Variants in THSD7B observed in about 807,000 individuals in gnomAD.
The protein encoded by THSD7B is thrombospondin type-1 domain-containing protein 7B.
A neutral mutation model predicts 213.6 loss-of-function variants in THSD7B; 138 were observed. That is an observed-to-expected ratio of 0.65 (90% confidence interval 0.56 to 0.74). The LOEUF is 0.74. Among genes scored for constraint, THSD7B ranks in the 30% least tolerant of loss-of-function variants. The pLI, the probability that THSD7B is intolerant of heterozygous loss-of-function variation, is 0.00. For missense variants in THSD7B, 1,931 were observed against 1,991.5 expected, an observed-to-expected ratio of 0.97 and a Z score of 0.58; for synonymous variants, 742 against 687.0, an observed-to-expected ratio of 1.08 and a Z score of -1.25.
intron 2 of THSD7B, among the ~76,000 whole-genome samples, chr2:137,017,919 A>G (rs2104840464): frequency 6.6e-6 from 1 of 151,918 alleles, no homozygotes; most frequent in East Asian, 1.9e-4. Context: ...TATTGCCAAA[A>G]CTTCTGTTAC....
In THSD7B at chr2:137,202,365, G is replaced by GATGT. The variant is rs1475543106; in HGVS notation, c.1724-28678_1724-28675dup. ...CCTGGATTATCTCAGATGGACCCTA[G>GATGT]ATGTCATCCCAAGTGTCCTCATAAG... On this transcript the variant is annotated intron_variant, in intron 7 of 27. Coordinates refer to ENST00000409968, the MANE Select transcript of THSD7B (RefSeq NM_001316349.2). 8.5e-5 allele frequency among the ~76,000 whole-genome samples: 13 copies of GATGT among 152,186 alleles called. No homozygotes were observed. In the East Asian group the frequency reaches 2.5e-3, roughly 30 times the overall value.
chr2:137,447,990 G>A (rs1687574192), intron 14 of THSD7B, among the ~76,000 whole-genome samples: 2 of 152,156 alleles, frequency 1.3e-5, no homozygotes, highest in South Asian at 2.1e-4. Context: ...AACTGAAGGA[G>A]TCTCATCCAT....
At chr2:136,926,366 C>T (rs538474954) in intron 2 of THSD7B, among the ~76,000 whole-genome samples, 5 of 151,524 alleles carry the variant, frequency 3.3e-5, no homozygotes, top group Admixed American at 2.0e-4. Context: ...ATGTAACAAA[C>T]CTGCTGTTGT....
Position 137,403,467 on chromosome 2 carries a change from TC to T in THSD7B, c.2501-2145del, listed in dbSNP as rs201303303. Among the ~76,000 whole-genome samples, 802 of 152,338 alleles carry T rather than the reference TC, an allele frequency of 5.3e-3. 6 individuals are homozygous for T. The highest frequency in any genetic ancestry group is 0.018 in the African/African-American group (760 of 41,562). ...TTAACAACATGATCCTAAACTGTGG[TC>T]TTTTTGTTCCTTTCACATAGCAGAT... On this transcript the variant is annotated intron_variant, in intron 12 of 27. Transcript: ENST00000409968.
chr2:137,175,368 G>A (rs976803115), intron 7 of THSD7B, among the ~76,000 whole-genome samples: 1 of 152,196 alleles, frequency 6.6e-6, no homozygotes, highest in African/African-American at 2.4e-5. Context: ...CCACACTACT[G>A]AAGAGTGTAA....
intron 2 of THSD7B, among the ~76,000 whole-genome samples, chr2:136,939,945 T>C (rs908698912): frequency 2.6e-5 from 4 of 151,784 alleles, no homozygotes; most frequent in Admixed American, 1.3e-4. Flanking sequence ...AGCTTTCATT[T>C]TGTGTGCAGA....
At chr2:137,281,728 T>G (rs1683021382) in intron 12 of THSD7B, among the ~76,000 whole-genome samples, 1 of 152,140 alleles carries the variant, frequency 6.6e-6, no homozygotes, top group Non-Finnish European at 1.5e-5. Context: ...ACAAAGGACA[T>G]GAACTCATCG....
intron 27 of THSD7B, among the ~76,000 whole-genome samples, chr2:137,670,771 A>G (rs1683547119): frequency 6.6e-6 from 1 of 152,014 alleles, no homozygotes; most frequent in Non-Finnish European, 1.5e-5. Context: ...AATACAAAAA[A>G]TTAGCCAGGT....
chr2:137,591,100 A>T (rs1261728237), intron 17 of THSD7B, among the ~76,000 whole-genome samples: 2 of 151,842 alleles, frequency 1.3e-5, no homozygotes, highest in Non-Finnish European at 2.9e-5. Context: ...ATTTGTTAAA[A>T]GTTTACCCCT....
intron 12 of THSD7B, among the ~76,000 whole-genome samples, chr2:137,387,732 C>T (rs1685927831): frequency 6.6e-6 from 1 of 152,122 alleles, no homozygotes; most frequent in Non-Finnish European, 1.5e-5. Flanking sequence ...TTTAAGAGTT[C>T]AACTAAATAG....
At chr2:137,322,159 C>T (rs1158670840) in intron 12 of THSD7B, among the ~76,000 whole-genome samples, 1 of 152,196 alleles carries the variant, frequency 6.6e-6, no homozygotes, top group Non-Finnish European at 1.5e-5. Context: ...TAAAACTCAG[C>T]TCCCCTTTCC....
In THSD7B at chr2:137,233,016, TG is replaced by T. The variant is rs1558967556; in HGVS notation, c.2035del (p.Val679Ter). ...TGGGGCCCTTGTTCTGAGGACACAT[TG>T]GTAACTGCCCTTAATGCAACCATTG... is the stretch of plus-strand genomic sequence containing the variant. Reference protein sequence around the residue: ...SPWGPCSEDTLVTALNATIGW... With the variant: ...SPWGPCSEDTXVTALNATIGW... On this transcript the variant is annotated frameshift_variant, in exon 9 of 28. Coordinates refer to ENST00000409968, the MANE Select transcript of THSD7B (RefSeq NM_001316349.2). LOFTEE classifies it high-confidence loss of function. 6.2e-7 allele frequency: 1 copy of T among 1,613,980 alleles called. No individual in the cohort carries two copies. The highest frequency in any genetic ancestry group is 2.2e-5 in the East Asian group (1 of 44,884).
At chr2:137,007,527 G>T (rs532425688) in intron 2 of THSD7B, among the ~76,000 whole-genome samples, 4 of 152,290 alleles carry the variant, frequency 2.6e-5, no homozygotes, top group African/African-American at 9.6e-5. Flanking sequence ...AACTCATGGA[G>T]AAAGTACAAG....
chr2:137,002,680 C>G (rs936024461), intron 2 of THSD7B, among the ~76,000 whole-genome samples: 20 of 152,118 alleles, frequency 1.3e-4, no homozygotes, highest in Non-Finnish European at 1.5e-5. Context: ...ATATCATTGT[C>G]TGTATCACTC....
chr2:136,985,802 G>C (rs896580757), intron 2 of THSD7B, among the ~76,000 whole-genome samples: 1 of 152,208 alleles, frequency 6.6e-6, no homozygotes, highest in Non-Finnish European at 1.5e-5. Context: ...CACAGCGTTG[G>C]AAAACTCTAG....
intron 1 of THSD7B, among the ~76,000 whole-genome samples, chr2:136,802,370 TAG>T (rs1442942703): frequency 6.6e-6 from 1 of 151,846 alleles, no homozygotes; most frequent in African/African-American, 2.4e-5. Context: ...AGCTACACTG[TAG>T]AGAGGGAGCC....
chr2:136,775,789 T>G (rs1681591048), intron 1 of THSD7B, among the ~76,000 whole-genome samples: 1 of 152,154 alleles, frequency 6.6e-6, no homozygotes, highest in Non-Finnish European at 1.5e-5. Context: ...AGTATCCCAT[T>G]AAGTGCATAG....
At chr2:137,048,168 T>C (rs1180600427) in intron 2 of THSD7B, among the ~76,000 whole-genome samples, 1 of 152,078 alleles carries the variant, frequency 6.6e-6, no homozygotes, top group African/African-American at 2.4e-5. Context: ...TTCATGGTTA[T>C]ATGGTCACAC....
At chr2:137,473,306 G>A (rs1688128236) in intron 15 of THSD7B, among the ~76,000 whole-genome samples, 1 of 151,854 alleles carries the variant, frequency 6.6e-6, no homozygotes, top group African/African-American at 2.4e-5. Context: ...TGCAGGCTCT[G>A]TCTTCCAGGT....
Sources: allele counts gnomAD v4.1 joint callset (sites outside exome capture counted in the v4.1 genomes callset), GRCh38; gene constraint gnomAD v4.1.1; transcripts MANE v1.5; gene names NCBI Gene and HGNC (gene_info 2026-07-23, HGNC 2026-07-21).